GALNT16: variants seen among roughly 807,000 people sequenced by gnomAD.
The protein encoded by GALNT16 is polypeptide N-acetylgalactosaminyltransferase 16.
A neutral mutation model predicts 76.1 loss-of-function variants in GALNT16; 40 were observed. The ratio of observed to expected loss-of-function variants is 0.53; its 90% CI spans 0.41 to 0.68. The LOEUF is 0.68. GALNT16 is among the 30% of genes least tolerant of loss of function. The probability of loss-of-function intolerance (pLI) is 0.00; values close to 1 mark genes in which losing one functional copy is unlikely to be tolerated. For missense variants in GALNT16, 621 were observed against 731.9 expected (o/e 0.85, Z 1.75); for synonymous variants, 276 against 285.2 (o/e 0.97, Z 0.32).
chr14:69,317,188 A>C (rs115030708), intron 1 of GALNT16, among the ~76,000 whole-genome samples: 2,202 of 152,310 alleles, frequency 0.014, 54 homozygotes, highest in African/African-American at 0.051. Context: ...ATGGTCCTGC[A>C]GCCAAGTGCC....
At chr14:69,341,836 AC>A (rs1304762341) in intron 12 of GALNT16, 72 bp downstream of exon 12, 2 of 938,464 alleles carry the variant, frequency 2.1e-6, no homozygotes, top group African/African-American at 3.3e-5. Context: ...CTTTGGTCCC[AC>A]CCCACCCTTA....
At chr14:69,359,733 A>T (rs1189118757), downstream of GALNT16, among the ~76,000 whole-genome samples, 1 of 152,196 alleles carries the variant, frequency 6.6e-6, no homozygotes. Context: ...ACTTATTAGA[A>T]ATGTAAACTC....
intron 9 of GALNT16, among the ~76,000 whole-genome samples, chr14:69,337,754 G>A (rs532969434): frequency 6.6e-6 from 1 of 152,226 alleles, no homozygotes; most frequent in African/African-American, 2.4e-5. Flanking sequence ...AGGCTGGCCA[G>A]AGGTGGGCTT....
intron 1 of GALNT16, among the ~76,000 whole-genome samples, chr14:69,291,557 C>T (rs940874149): frequency 2.6e-5 from 4 of 152,310 alleles, no homozygotes; most frequent in Admixed American, 2.0e-4. Flanking sequence ...CACAGACATG[C>T]GCCAAGCCCT....
At chr14:69,295,776 C>CGAAAAAAAAA (rs780044564) in intron 1 of GALNT16, among the ~76,000 whole-genome samples, 16 of 140,842 alleles carry the variant, frequency 1.1e-4, no homozygotes, top group Non-Finnish European at 2.4e-4. Flanking sequence ...ATCGAAACCA[C>CGAAAAAAAAA]TCACAATATA....
At chr14:69,376,135 C>T in the GALNT16 span, among the ~76,000 whole-genome samples, 1 of 152,136 alleles carries the variant, frequency 6.6e-6, no homozygotes, top group Non-Finnish European at 1.5e-5. Context: ...CTCTTGGGCT[C>T]ATTTGATCCT....
chr14:69,331,839 G>A (rs2045356404), intron 7 of GALNT16, among the ~76,000 whole-genome samples: 1 of 152,188 alleles, frequency 6.6e-6, no homozygotes, highest in Admixed American at 6.5e-5. Flanking sequence ...CCCAAATGCT[G>A]CCAGCCTAGG....
intron 9 of GALNT16, among the ~76,000 whole-genome samples, chr14:69,337,642 C>T (rs946645923): frequency 6.6e-6 from 1 of 152,190 alleles, no homozygotes; most frequent in African/African-American, 2.4e-5. Flanking sequence ...ATAGGCAGAC[C>T]TAGGGAAGCC....
At chr14:69,263,330 C>A (rs2044301014) in intron 1 of GALNT16, among the ~76,000 whole-genome samples, 1 of 152,234 alleles carries the variant, frequency 6.6e-6, no homozygotes, top group Non-Finnish European at 1.5e-5. Context: ...GTTCAAGCTT[C>A]TGCAGGCATT....
intron 7 of GALNT16, 43 bp downstream of exon 7, chr14:69,331,594 G>A (rs760661588): frequency 1.7e-6 from 2 of 1,145,900 alleles, no homozygotes; most frequent in Non-Finnish European, 2.7e-6. Flanking sequence ...CATGAAAGGA[G>A]GTAGGTGAGG....
intron 9 of GALNT16, among the ~76,000 whole-genome samples, chr14:69,336,220 C>T (rs2045413563): frequency 6.6e-6 from 1 of 152,210 alleles, no homozygotes; most frequent in Non-Finnish European, 1.5e-5. Flanking sequence ...AGCGATTCTC[C>T]TGCCTCAGCC....
intron 1 of GALNT16, among the ~76,000 whole-genome samples, chr14:69,310,703 A>T (rs1304898445): frequency 6.6e-6 from 1 of 152,188 alleles, no homozygotes; most frequent in Non-Finnish European, 1.5e-5. Context: ...TTCTGATGGA[A>T]TGAAACTGCC....
intron 1 of GALNT16, among the ~76,000 whole-genome samples, chr14:69,308,865 T>C (rs2044976019): frequency 6.6e-6 from 1 of 152,244 alleles, no homozygotes; most frequent in Non-Finnish European, 1.5e-5. Flanking sequence ...TATACCAATG[T>C]ATCATTCACC....
chr14:69,383,779 A>G, the GALNT16 span, among the ~76,000 whole-genome samples: 1 of 152,202 alleles, frequency 6.6e-6, no homozygotes, highest in South Asian at 2.1e-4. Context: ...CTTTCCCCCT[A>G]TGTTGCTTTA....
chr14:69,260,500 A>G (rs2044250212), intron 1 of GALNT16, 33 bp downstream of exon 1: 8 of 1,329,364 alleles, frequency 6.0e-6, no homozygotes, highest in African/African-American at 1.6e-5. Flanking sequence ...CCGGCCGGCT[A>G]GGGAGCCGCG....
chr14:69,338,338 A>G (rs763442407), intron 9 of GALNT16, among the ~76,000 whole-genome samples: 4 of 152,216 alleles, frequency 2.6e-5, no homozygotes, highest in African/African-American at 4.8e-5. Context: ...GAGCCTGGAA[A>G]TGATGCCACT....
downstream of GALNT16, among the ~76,000 whole-genome samples, chr14:69,361,956 G>A (rs534684923): frequency 5.3e-5 from 8 of 152,266 alleles, no homozygotes; most frequent in East Asian, 1.9e-4. Flanking sequence ...GCAGTAAGCC[G>A]AAATCACGCC....
chr14:69,336,276 A>AT (rs1188567874), intron 9 of GALNT16, among the ~76,000 whole-genome samples: 4 of 152,098 alleles, frequency 2.6e-5, no homozygotes, highest in Non-Finnish European at 5.9e-5. Flanking sequence ...GGCCCGGCTA[A>AT]TTTTTGTATT....
the GALNT16 span, among the ~76,000 whole-genome samples, chr14:69,379,085 G>A: frequency 5.9e-5 from 9 of 152,026 alleles, no homozygotes; most frequent in Non-Finnish European, 1.2e-4. Flanking sequence ...TAGTACAAGC[G>A]TGTGCCACCA....
Sources: gnomAD v4.1 joint callset for allele counts (sites outside exome capture counted in the v4.1 genomes callset) on GRCh38, gnomAD v4.1.1 for gene constraint, MANE v1.5 for transcripts, NCBI Gene and HGNC (gene_info 2026-07-23, HGNC 2026-07-21) for gene names.